PLRG1: variants seen among roughly 807,000 people sequenced by gnomAD.
The protein encoded by PLRG1 is pleiotropic regulator 1 (PRL1 homolog, Arabidopsis).
Under a neutral mutation model 74.9 loss-of-function variants are expected in PLRG1, and 28 were observed. The ratio of observed to expected loss-of-function variants is 0.37; its 90% CI spans 0.28 to 0.51. PLRG1 has a LOEUF of 0.51. PLRG1 is among the 20% of genes least tolerant of loss of function. The pLI is 0.91. For synonymous variants in PLRG1, 197 were observed against 212.4 expected (o/e 0.93, Z 0.63); for missense variants, 445 against 631.9 (o/e 0.70, Z 3.17).
chr4:154,536,567 A>T lies in PLRG1; in HGVS notation c.*118T>A. The T allele has an allele frequency of 3.0e-6, 2 of 656,818 alleles. No individual in the cohort carries two copies. The highest frequency in any genetic ancestry group is 3.5e-5 in the South Asian group (2 of 57,540). The allele number at this position is 656,818 out of a possible 1,614,324, so 40.7% of individuals were successfully genotyped here. ...GAAGCAGCAATGATTGAAGCAAGTG[A>T]ATTTCTCCTTTATATTCCCAGCCAG... On this transcript the variant is annotated 3_prime_UTR_variant, in exon 15 of 15. Coordinates refer to ENST00000499023, the MANE Select transcript of PLRG1 (RefSeq NM_002669.4).
intron 6 of PLRG1, among the ~76,000 whole-genome samples, chr4:154,544,889 G>A (rs1729621147): frequency 2.0e-5 from 3 of 152,176 alleles, no homozygotes. Context: ...GATTTAATAA[G>A]TAGTAAATGC....
rs753554475 is a variant in PLRG1 at position 154,536,651 on chromosome 4, GAA to G, written c.*32_*33del. ...AAGCTTTTTTTTTTTTAATTAAAAA[GAA>G]AAAAAAAGAGAGAGAAAAAATTCCA... On this transcript the variant is annotated 3_prime_UTR_variant, in exon 15 of 15. Transcript: ENST00000499023. The G allele has an allele frequency of 9.5e-7, 1 of 1,055,638 alleles. No homozygotes were observed. Among genetic ancestry groups the G allele is most frequent in the Non-Finnish European group, 1.4e-6 (1 of 720,136 alleles). The allele number at this position is 1,055,638 out of a possible 1,614,324, so 65.4% of individuals were successfully genotyped here. A position where few individuals can be genotyped will look rare whatever the true frequency, so the allele number is the denominator to read the frequency against.
intron 2 of PLRG1, 59 bp downstream of exon 2, chr4:154,548,770 T>C (rs971231151): frequency 5.8e-6 from 5 of 869,014 alleles, no homozygotes; most frequent in Non-Finnish European, 9.7e-6. Context: ...CCCTGCTCTC[T>C]TCCCCTAGTA....
At chr4:154,537,252 G>C in intron 14 of PLRG1, 34 bp downstream of exon 14, 1 of 1,447,938 alleles carries the variant, frequency 6.9e-7, no homozygotes, top group Non-Finnish European at 9.6e-7. Flanking sequence ...TGGTATAGCT[G>C]TTTTACTTAA....
At chr4:154,542,132 T>G in intron 8 of PLRG1, 55 bp downstream of exon 8, 1 of 1,101,508 alleles carries the variant, frequency 9.1e-7, no homozygotes, top group Non-Finnish European at 1.4e-6. Context: ...AATAACTGAT[T>G]AAACTTACAT....
intron 14 of PLRG1, 127 bp from the exon 15 acceptor site, chr4:154,536,871 G>A (rs2111098375): frequency 1.8e-6 from 1 of 562,244 alleles, no homozygotes. Context: ...TTCTTTGACA[G>A]TTTTAGGAAG....
chr4:154,537,965 T>G lies in PLRG1; in HGVS notation c.1291+4A>C. On this transcript the variant is annotated splice_donor_region_variant and intron_variant, in intron 13 of 14. Transcript: ENST00000499023. ...ACATATTTATTATAAAAATCTTATT[T>G]TACCTCCAGATACAAGCACTCCATC... 7.0e-7 allele frequency: 1 copy of G among 1,426,010 alleles called. No homozygotes were observed. The highest frequency in any genetic ancestry group is 9.5e-7 in the Non-Finnish European group (1 of 1,053,814). The allele number at this position is 1,426,010 out of a possible 1,614,324, so 88.3% of individuals were successfully genotyped here.
At chr4:154,545,021 C>T (rs1413199571) in intron 6 of PLRG1, among the ~76,000 whole-genome samples, 1 of 152,156 alleles carries the variant, frequency 6.6e-6, no homozygotes, top group Non-Finnish European at 1.5e-5. Context: ...TATTTATCTT[C>T]TAATACAATA....
rs145898211 is a variant in PLRG1 at position 154,542,223 on chromosome 4, C to T, written c.651G>A (p.Gln217=). 5.4e-4 allele frequency: 878 copies of T among 1,611,976 alleles called. 1 individual carries two copies. The highest frequency in any genetic ancestry group is 1.6e-3 in the Admixed American group (96 of 59,978). The change falls in exon 8 of 15, where the codon CAG becomes CAA. Residue 217 remains glutamine, a synonymous_variant. Coordinates refer to ENST00000499023, the MANE Select transcript of PLRG1 (RefSeq NM_002669.4). ...TGTCAGCAGATCCAGTAACAAACCA[C>T]TGATTTCCAGGTTCCACAGCAATAC... is the stretch of plus-strand genomic sequence containing the variant. ...VRCIAVEPGN[Q]WFVTGSADRT...
rs1405143876 is a variant in PLRG1 at position 154,535,977 on chromosome 4, C to T, written c.*708G>A. 1 of 152,354 alleles carries T rather than the reference C, an allele frequency of 6.6e-6. No individual in the cohort carries two copies. The highest frequency in any genetic ancestry group is 2.4e-5 in the African/African-American group (1 of 41,446). The allele number at this position is 152,354 out of a possible 1,614,324, so 9.4% of individuals were successfully genotyped here. On this transcript the variant is annotated 3_prime_UTR_variant, in exon 15 of 15. Coordinates refer to ENST00000499023, the MANE Select transcript of PLRG1 (RefSeq NM_002669.4). ...TGCCTGGTTTCATCACTTTATGCCT[C>T]ATCTCTTTTCCTTCTTTGTCTTCCT...
intron 4 of PLRG1, 175 bp downstream of exon 4, chr4:154,546,836 T>C (rs773394519): frequency 1.7e-6 from 1 of 597,238 alleles, no homozygotes; most frequent in Middle Eastern, 4.4e-4. Context: ...TACTTAAGAA[T>C]GTTTGCTGAA....
chr4:154,545,435 A>G (rs901008358), intron 6 of PLRG1, among the ~76,000 whole-genome samples: 2 of 152,214 alleles, frequency 1.3e-5, no homozygotes, highest in African/African-American at 4.8e-5. Flanking sequence ...ATGCTCATTT[A>G]TAAGACTAGT....
chr4:154,545,919 C>T lies in PLRG1; in HGVS notation c.409G>A (p.Asp137Asn), dbSNP rs1486132348. Residue 137 changes from aspartate to asparagine, a missense_variant, in exon 6 of 15, where the codon GAT (aspartate) becomes AAT (asparagine). Coordinates refer to ENST00000499023, the MANE Select transcript of PLRG1 (RefSeq NM_002669.4). ...AVALPLQTKA[D>N]ANRTAPSGSE... ...CCACTAGGGGCAGTACGATTTGCATCAGCCCTGGGGCAAAAGAAATAATAT... is the reference window on the plus strand; with the variant it reads ...CCACTAGGGGCAGTACGATTTGCATTAGCCCTGGGGCAAAAGAAATAATAT... The T allele has an allele frequency of 1.5e-5, 24 of 1,605,638 alleles. No individual in the cohort carries two copies. Among genetic ancestry groups the T allele is most frequent in the Non-Finnish European group, 2.0e-5 (24 of 1,173,144 alleles).
intron 11 of PLRG1, among the ~76,000 whole-genome samples, chr4:154,539,718 G>A (rs2111101615): frequency 6.6e-6 from 1 of 152,088 alleles, no homozygotes; most frequent in South Asian, 2.1e-4. Flanking sequence ...ATTCTAGTCA[G>A]ACATTACAGG....
chr4:154,536,505 A>C lies in PLRG1; in HGVS notation c.*180T>G, dbSNP rs1388296783. ...CAAATTGTTTTAGAAATAAAAACACAGGGGTAGGGGACAGGGGACAGTTTA... is the reference window on the plus strand; with the variant it reads ...CAAATTGTTTTAGAAATAAAAACACCGGGGTAGGGGACAGGGGACAGTTTA... On this transcript the variant is annotated 3_prime_UTR_variant, in exon 15 of 15. Coordinates refer to ENST00000499023, the MANE Select transcript of PLRG1 (RefSeq NM_002669.4). 1.8e-6 allele frequency: 1 copy of C among 565,574 alleles called. No individual in the cohort carries two copies. The highest frequency in any genetic ancestry group is 3.1e-6 in the Non-Finnish European group (1 of 321,106). The allele number at this position is 565,574 out of a possible 1,614,324, so 35.0% of individuals were successfully genotyped here.
Position 154,536,645 on chromosome 4 carries a change from T to G in PLRG1, c.*40A>C. The G allele has an allele frequency of 9.1e-7, 1 of 1,096,448 alleles. No homozygotes were observed. The highest frequency in any genetic ancestry group is 1.4e-6 in the Non-Finnish European group (1 of 739,374). 67.9% of individuals were successfully genotyped at this position (1,096,448 alleles called of 1,614,324 possible). On this transcript the variant is annotated 3_prime_UTR_variant, in exon 15 of 15. Coordinates refer to ENST00000499023, the MANE Select transcript of PLRG1 (RefSeq NM_002669.4). ...AACGCCAAGCTTTTTTTTTTTTAAT[T>G]AAAAAGAAAAAAAAAGAGAGAGAAA...
intron 1 of PLRG1, 81 bp downstream of exon 1, chr4:154,550,193 TAGCCTCTTTTCTCTCTGGACTCCAAG>T (rs1729737181): frequency 1.9e-6 from 2 of 1,052,092 alleles, no homozygotes; most frequent in Admixed American, 1.7e-5. Context: ...GCTCCCCTCG[TAGCCTCTTTTCTCTCTGGACTCCAAG>T]TACTCTCAAT....
At chr4:154,537,247 T>C (rs1481862579) in intron 14 of PLRG1, 39 bp downstream of exon 14, 3 of 1,325,796 alleles carry the variant, frequency 2.3e-6, no homozygotes, top group Admixed American at 3.7e-5. Context: ...CAAATTGGTA[T>C]AGCTGTTTTA....
rs1448370288 is a variant in PLRG1, at chr4:154,535,839, G to A, written c.*846C>T. The stretch of plus-strand genomic sequence containing the variant: ...TACCAGTATTGGTATCCTACTAGTT[G>A]AGGAATAAAATCCATACTTATATGA... On this transcript the variant is annotated 3_prime_UTR_variant, in exon 15 of 15. Coordinates refer to ENST00000499023, the MANE Select transcript of PLRG1 (RefSeq NM_002669.4). 1.3e-5 allele frequency: 2 copies of A among 151,828 alleles called. No individual in the cohort carries two copies. The highest frequency in any genetic ancestry group is 2.9e-5 in the Non-Finnish European group (2 of 67,980). The allele number at this position is 151,828 out of a possible 1,614,324, so 9.4% of individuals were successfully genotyped here.
Sources: gnomAD v4.1 joint callset for allele counts (sites outside exome capture counted in the v4.1 genomes callset) on GRCh38, gnomAD v4.1.1 for gene constraint, MANE v1.5 for transcripts, NCBI Gene and HGNC (gene_info 2026-07-23, HGNC 2026-07-21) for gene names.